RANBP17: variants seen among roughly 807,000 people sequenced by gnomAD.
RANBP17 encodes ran-binding protein 17.
RANBP17 carries 158 observed loss-of-function variants against 141.2 expected under a neutral mutation model. The ratio of observed to expected loss-of-function variants is 1.12; its 90% CI spans 0.98 to 1.28. The LOEUF (loss-of-function observed/expected upper bound fraction) is 1.28, where lower values mean the gene tolerates loss of function less well. Ranked by LOEUF, RANBP17 falls within the 50% of genes most tolerant of loss-of-function variation. RANBP17 has a pLI of 0.00. For synonymous variants in RANBP17, 430 were observed against 450.0 expected (o/e 0.96, Z 0.56); for missense variants, 1,438 against 1,290.7 (o/e 1.11, Z -1.75).
At chr5:171,068,578 G>A (rs992028950) in intron 14 of RANBP17, among the ~76,000 whole-genome samples, 2 of 151,500 alleles carry the variant, frequency 1.3e-5, no homozygotes, top group Admixed American at 1.3e-4. Flanking sequence ...TTTTGTTGTT[G>A]TTGTTGTTGT....
intron 14 of RANBP17, chr5:170,968,710 T>G: frequency 2.2e-6 from 1 of 461,818 alleles, no homozygotes; most frequent in African/African-American, 2.0e-5. Context: ...GTTCCAGGGT[T>G]TTTTGGACAC....
chr5:171,186,424 T>C (rs1330017976), intron 18 of RANBP17, among the ~76,000 whole-genome samples: 2 of 152,028 alleles, frequency 1.3e-5, no homozygotes, highest in Non-Finnish European at 2.9e-5. Context: ...CTTCCAACTT[T>C]TCTTCTGCAA....
At chr5:171,002,330 G>A (rs1422913641) in intron 14 of RANBP17, among the ~76,000 whole-genome samples, 1 of 152,032 alleles carries the variant, frequency 6.6e-6, no homozygotes, top group East Asian at 1.9e-4. Context: ...TGGCCGTGAG[G>A]GACAGAAGTT....
chr5:171,276,046 A>G (rs920770215), intron 25 of RANBP17, among the ~76,000 whole-genome samples: 5 of 152,194 alleles, frequency 3.3e-5, no homozygotes, highest in African/African-American at 9.7e-5. Context: ...CAAAGTAAGA[A>G]AAGATTTTGC....
chr5:170,927,126 C>T lies in RANBP17; in HGVS notation c.1468+2576C>T, dbSNP rs547114272. Among the ~76,000 whole-genome samples, 4 of 152,104 alleles carry T rather than the reference C, an allele frequency of 2.6e-5. No individual in the cohort carries two copies. In the South Asian group the frequency reaches 8.3e-4, roughly 32 times the overall value. Reference sequence around the variant, plus strand: ...GTATATATGAATTTATAAATTTCTCCTAGTGAAATTGCCGTTGAGTGGAAG... The same window carrying T: ...GTATATATGAATTTATAAATTTCTCTTAGTGAAATTGCCGTTGAGTGGAAG... On this transcript the variant is annotated intron_variant, in intron 12 of 27. Coordinates refer to ENST00000523189, the MANE Select transcript of RANBP17 (RefSeq NM_022897.5).
At chr5:171,070,207 A>T (rs1309305513) in intron 14 of RANBP17, among the ~76,000 whole-genome samples, 2 of 152,154 alleles carry the variant, frequency 1.3e-5, no homozygotes, top group African/African-American at 4.8e-5. Context: ...GGGCACTTTA[A>T]TTGAAATAAG....
chr5:171,212,228 T>G (rs1326752971), intron 20 of RANBP17, among the ~76,000 whole-genome samples: 1 of 152,180 alleles, frequency 6.6e-6, no homozygotes, highest in Non-Finnish European at 1.5e-5. Flanking sequence ...CTCTGCTCTT[T>G]AGAAATGCAC....
rs887992579 is a variant in RANBP17, at chr5:170,881,887, A to G, written c.247A>G (p.Met83Val). The change falls in exon 3 of 28, where the codon ATG (methionine) becomes GTG (valine). Residue 83 changes from methionine (M) to valine (V), a missense_variant. Coordinates refer to ENST00000523189, the MANE Select transcript of RANBP17 (RefSeq NM_022897.5). ...RVSPLPVEQR[M>V]DIRNYILNYV... is the part of the protein sequence containing the mutation. The stretch of plus-strand genomic sequence containing the variant: ...CAGTCCTTTACCTGTTGAGCAGAGG[A>G]TGGACATCAGTAAGTGGCTTATTAT... 52 of 1,597,602 alleles carry G rather than the reference A, an allele frequency of 3.3e-5. No homozygotes were observed. Among genetic ancestry groups the G allele is most frequent in the Non-Finnish European group, 4.3e-5 (51 of 1,173,398 alleles).
chr5:170,921,677 G>A (rs190520148), intron 11 of RANBP17, among the ~76,000 whole-genome samples: 30 of 152,230 alleles, frequency 2.0e-4, no homozygotes, highest in African/African-American at 7.0e-4. Flanking sequence ...ATTACCTTGG[G>A]CAGTATGGCC....
intron 14 of RANBP17, among the ~76,000 whole-genome samples, chr5:171,119,319 A>G (rs963535189): frequency 6.6e-5 from 10 of 152,164 alleles, no homozygotes; most frequent in Non-Finnish European, 1.3e-4. Context: ...CATGAGGGAT[A>G]TTGGCCTGTA....
At chr5:171,204,257 C>A (rs1354541766) in intron 19 of RANBP17, among the ~76,000 whole-genome samples, 2 of 152,190 alleles carry the variant, frequency 1.3e-5, no homozygotes, top group East Asian at 3.9e-4. Flanking sequence ...ACTGAATATT[C>A]CTATAAATAA....
chr5:171,102,329 T>C (rs1001079815), intron 14 of RANBP17, among the ~76,000 whole-genome samples: 3 of 152,100 alleles, frequency 2.0e-5, no homozygotes, highest in Non-Finnish European at 4.4e-5. Context: ...CTTTACACTT[T>C]ACTTGATTAA....
intron 5 of RANBP17, among the ~76,000 whole-genome samples, chr5:170,896,761 CAG>C (rs1342599642): frequency 6.6e-6 from 1 of 152,226 alleles, no homozygotes; most frequent in Non-Finnish European, 1.5e-5. Context: ...ACCCGGGAGG[CAG>C]AGATTGCAGT....
At chr5:171,080,943 C>T (rs1315136337) in intron 14 of RANBP17, among the ~76,000 whole-genome samples, 1 of 152,040 alleles carries the variant, frequency 6.6e-6, no homozygotes, top group Non-Finnish European at 1.5e-5. Context: ...AAACTTTTTC[C>T]TCAACTAAAT....
chr5:171,103,721 C>T (rs997319176), intron 14 of RANBP17, among the ~76,000 whole-genome samples: 5 of 152,020 alleles, frequency 3.3e-5, no homozygotes, highest in Non-Finnish European at 5.9e-5. Flanking sequence ...AAACGCAGGG[C>T]CCTGGTGGTG....
At chr5:171,145,022 T>C (rs1189581020) in intron 14 of RANBP17, among the ~76,000 whole-genome samples, 1 of 152,216 alleles carries the variant, frequency 6.6e-6, no homozygotes, top group East Asian at 1.9e-4. Context: ...CAGTGTTAAA[T>C]TATTTGTGTG....
chr5:170,957,103 A>ACACGCG (rs1775778526), intron 13 of RANBP17, among the ~76,000 whole-genome samples: 1 of 151,042 alleles, frequency 6.6e-6, no homozygotes, highest in Non-Finnish European at 1.5e-5. Context: ...ACACACACAC[A>ACACGCG]CACACGCGCA....
chr5:171,164,496 A>G (rs1048634113), intron 14 of RANBP17, among the ~76,000 whole-genome samples: 2 of 151,662 alleles, frequency 1.3e-5, no homozygotes, highest in South Asian at 2.1e-4. Context: ...TCTACAGGCA[A>G]TATTTGTCAT....
intron 27 of RANBP17, among the ~76,000 whole-genome samples, chr5:171,297,557 C>T (rs1300571356): frequency 6.6e-6 from 1 of 151,960 alleles, no homozygotes; most frequent in Non-Finnish European, 1.5e-5. Flanking sequence ...CAGACATATT[C>T]CCTTGACTGC....
Sources: gnomAD v4.1 joint callset for allele counts (sites outside exome capture counted in the v4.1 genomes callset) on GRCh38, gnomAD v4.1.1 for gene constraint, MANE v1.5 for transcripts, NCBI Gene and HGNC (gene_info 2026-07-23, HGNC 2026-07-21) for gene names.